Variants in RELN observed in about 807,000 individuals in gnomAD.
RELN encodes reelin.
A neutral mutation model predicts 427.6 loss-of-function variants in RELN; 108 were observed. That is an observed-to-expected ratio of 0.25 (90% CI 0.22 to 0.30). The LOEUF (loss-of-function observed/expected upper bound fraction) is 0.30, where lower values mean the gene tolerates loss of function less well. Ranked by LOEUF, RELN falls within the 10% of genes least tolerant of loss-of-function variation. The probability of loss-of-function intolerance (pLI) is 1.00; values close to 1 mark genes in which losing one functional copy is unlikely to be tolerated. For missense variants in RELN, 3,715 were observed against 4,302.8 expected, an observed-to-expected ratio of 0.86 and a Z score of 3.82; for synonymous variants, 1,524 against 1,513.4, an observed-to-expected ratio of 1.01 and a Z score of -0.16.
chr7:103,776,717 A>T, intron 3 of RELN, 90 bp from the exon 4 acceptor site: 1 of 1,263,136 alleles, frequency 7.9e-7, no homozygotes. Flanking sequence ...CTTATTCTTA[A>T]ACTTTATTGT....
At position 103,897,342 on chromosome 7, in the gene RELN, T is replaced by C. The variant is rs532217882; in HGVS notation, c.337+19733A>G. 7.2e-5 allele frequency among the ~76,000 whole-genome samples: 11 copies of C among 152,226 alleles called. No homozygotes were observed. In the South Asian group the frequency reaches 2.3e-3, roughly 32 times the overall value. ...AGTTGACAGCATTCCTTTCACCAAT[T>C]CACTTGGTGACATCAGCTTTGGACA... On this transcript the variant is annotated intron_variant, in intron 2 of 64. Transcript: ENST00000428762.
intron 57 of RELN, among the ~76,000 whole-genome samples, chr7:103,493,895 A>G (rs1174658796): frequency 6.6e-6 from 1 of 152,160 alleles, no homozygotes; most frequent in Non-Finnish European, 1.5e-5. Context: ...ACTTTACTAA[A>G]TTTTTGAGGA....
At chr7:103,576,853 C>T (rs914478814) in intron 28 of RELN, among the ~76,000 whole-genome samples, 1 of 152,136 alleles carries the variant, frequency 6.6e-6, no homozygotes, top group African/African-American at 2.4e-5. Context: ...TTTGAGGTTG[C>T]CAATAGTTTT....
intron 1 of RELN, among the ~76,000 whole-genome samples, chr7:103,970,382 G>T (rs551115435): frequency 1.6e-4 from 25 of 152,112 alleles, no homozygotes; most frequent in African/African-American, 6.0e-4. Flanking sequence ...GACCTCAAGT[G>T]AATTCGCCCA....
chr7:103,742,038 C>T (rs907858161), intron 6 of RELN, among the ~76,000 whole-genome samples: 6 of 152,122 alleles, frequency 3.9e-5, no homozygotes, highest in Non-Finnish European at 8.8e-5. Flanking sequence ...ACTGACACCG[C>T]ACACGGCCAG....
At chr7:103,866,797 T>C (rs1794210292) in intron 2 of RELN, among the ~76,000 whole-genome samples, 1 of 152,006 alleles carries the variant, frequency 6.6e-6, no homozygotes, top group African/African-American at 2.4e-5. Context: ...AGGTAGAAGT[T>C]CTAATATTTT....
chr7:103,932,951 G>C (rs1762879948), intron 1 of RELN, among the ~76,000 whole-genome samples: 1 of 152,158 alleles, frequency 6.6e-6, no homozygotes, highest in African/African-American at 2.4e-5. Context: ...TGCTGGGCTG[G>C]AGCACAATGA....
intron 51 of RELN, among the ~76,000 whole-genome samples, chr7:103,510,595 T>A (rs533895757): frequency 4.1e-4 from 63 of 152,244 alleles, no homozygotes; most frequent in African/African-American, 1.5e-3. Flanking sequence ...CAAACCTGCA[T>A]GTTCTGCACG....
In RELN at chr7:103,968,747, A is replaced by G. The variant is rs1411669341; in HGVS notation, c.226+20384T>C. Among the ~76,000 whole-genome samples, 4 of 152,220 alleles carry G rather than the reference A, an allele frequency of 2.6e-5. No homozygotes were observed. The highest frequency in any genetic ancestry group is 2.0e-4 in the Admixed American group (3 of 15,284). On this transcript the variant is annotated intron_variant, in intron 1 of 64. Coordinates refer to ENST00000428762, the MANE Select transcript of RELN (RefSeq NM_005045.4). The surrounding 1 kb of genome is among the most constrained non-coding windows in gnomAD (Gnocchi z 4.3). Reference sequence around the variant, plus strand: ...AACCCATGAGAAGATGTATTTTTAAATGATCATCCAAAAATGCTAAAGGAT... The same window carrying G: ...AACCCATGAGAAGATGTATTTTTAAGTGATCATCCAAAAATGCTAAAGGAT...
chr7:103,959,748 C>T (rs1303533014), intron 1 of RELN, among the ~76,000 whole-genome samples: 1 of 151,974 alleles, frequency 6.6e-6, no homozygotes, highest in Non-Finnish European at 1.5e-5. Context: ...GTAGCTGGGA[C>T]TACAGCATGC....
intron 3 of RELN, among the ~76,000 whole-genome samples, chr7:103,809,396 C>A (rs183904098): frequency 6.6e-6 from 1 of 151,924 alleles, no homozygotes; most frequent in Non-Finnish European, 1.5e-5. Flanking sequence ...TCCAAAGCAG[C>A]GGGAGAGAGA....
chr7:103,747,728 A>G (rs1790882236), intron 6 of RELN, among the ~76,000 whole-genome samples: 1 of 151,622 alleles, frequency 6.6e-6, no homozygotes, highest in Non-Finnish European at 1.5e-5. Context: ...ATTACTCCAA[A>G]GCATATTTGA....
chr7:103,870,893 A>G (rs1794316457), intron 2 of RELN, among the ~76,000 whole-genome samples: 1 of 152,108 alleles, frequency 6.6e-6, no homozygotes, highest in Non-Finnish European at 1.5e-5. Flanking sequence ...GCCTAGCTCC[A>G]CAGATTCCTG....
intron 1 of RELN, among the ~76,000 whole-genome samples, chr7:103,952,619 G>C (rs1047578304): frequency 1.3e-5 from 2 of 152,042 alleles, no homozygotes; most frequent in Admixed American, 6.6e-5. Context: ...GTATTGAAAT[G>C]TGTCACTGCA....
intron 2 of RELN, among the ~76,000 whole-genome samples, chr7:103,853,978 G>A (rs903961020): frequency 1.3e-5 from 2 of 152,042 alleles, no homozygotes; most frequent in Admixed American, 1.3e-4. Flanking sequence ...GATTTTGAAT[G>A]TTCACAACAC....
rs577626875 is a variant in RELN at position 103,621,822 on chromosome 7, C to A, written c.2702+8118G>T. ...CTTGAGGCCAGGAGTTTGAGACCAC[C>A]TTGGGCAACATGGCGAAACCTTGTT... is the stretch of plus-strand genomic sequence containing the variant. On this transcript the variant is annotated intron_variant, in intron 20 of 64. Coordinates refer to ENST00000428762, the MANE Select transcript of RELN (RefSeq NM_005045.4). Among the ~76,000 whole-genome samples the A allele has an allele frequency of 9.9e-4, 151 of 152,176 alleles. 1 individual carries two copies. The highest frequency in any genetic ancestry group is 3.5e-3 in the African/African-American group (147 of 41,530).
In RELN at chr7:103,509,339, A is replaced by T. The variant is rs528603963; in HGVS notation, c.8274+1512T>A. Among the ~76,000 whole-genome samples, 3 of 152,288 alleles carry T rather than the reference A, an allele frequency of 2.0e-5. No homozygotes were observed. In the South Asian group the frequency reaches 6.2e-4, roughly 32 times the overall value. On this transcript the variant is annotated intron_variant, in intron 51 of 64. Coordinates refer to ENST00000428762, the MANE Select transcript of RELN (RefSeq NM_005045.4). ...AATCAAACAGAACAGAGGCCTCAGA[A>T]ATAACACCACACATCTACAACCATC...
chr7:103,891,448 G>A (rs1166033802), intron 2 of RELN, among the ~76,000 whole-genome samples: 1 of 152,052 alleles, frequency 6.6e-6, no homozygotes, highest in Non-Finnish European at 1.5e-5. Context: ...CTCTACATCA[G>A]GCTCAGTATT....
intron 4 of RELN, among the ~76,000 whole-genome samples, chr7:103,773,890 T>C (rs1003751369): frequency 6.6e-6 from 1 of 152,188 alleles, no homozygotes; most frequent in African/African-American, 2.4e-5. Flanking sequence ...ATTTGTATCT[T>C]AGCCTGTGAG....
Sources: gnomAD v4.1 joint callset for allele counts (sites outside exome capture counted in the v4.1 genomes callset) on GRCh38, gnomAD v4.1.1 for gene constraint, Gnocchi (gnomAD v3.1) non-coding constraint, MANE v1.5 for transcripts, NCBI Gene and HGNC (gene_info 2026-07-23, HGNC 2026-07-21) for gene names.